TBL2: variants seen among roughly 807,000 people sequenced by gnomAD.
TBL2 encodes transducin beta-like protein 2.
TBL2 carries 33 observed loss-of-function variants against 41.8 expected under a neutral mutation model. That is an observed-to-expected ratio of 0.79 (90% CI 0.60 to 1.06). The LOEUF (loss-of-function observed/expected upper bound fraction) is 1.06. Ranked by LOEUF, TBL2 falls within the 50% of genes least tolerant of loss-of-function variation. The probability of loss-of-function intolerance (pLI) is 0.00; values close to 1 mark genes in which losing one functional copy is unlikely to be tolerated. For missense variants in TBL2, 522 were observed against 603.8 expected, an observed-to-expected ratio of 0.86 and a Z score of 1.42; for synonymous variants, 239 against 241.7, an observed-to-expected ratio of 0.99 and a Z score of 0.10.
chr7:73,568,181 G>A lies in TBL2; in HGVS notation c.*2326C>T, dbSNP rs564412337. ...GGTCTGTGGCTTGCCCCTGGCTTGAGTTTCACATTGAGTGCTTACACTGTC... is the reference window on the plus strand; with the variant it reads ...GGTCTGTGGCTTGCCCCTGGCTTGAATTTCACATTGAGTGCTTACACTGTC... On this transcript the variant is annotated 3_prime_UTR_variant, in exon 7 of 7. Transcript: ENST00000305632. Among the ~76,000 whole-genome samples, 11 of 152,278 alleles carry A rather than the reference G, an allele frequency of 7.2e-5. No individual in the cohort carries two copies. Among genetic ancestry groups the A allele is most frequent in the African/African-American group, 2.6e-4 (11 of 41,556 alleles).
In TBL2 at chr7:73,578,447, C is replaced by G; in HGVS notation, c.103G>C (p.Gly35Arg). Residue 35 changes from glycine (G) to arginine (R), a missense_variant, in exon 1 of 7, where the codon GGG (glycine) becomes CGG (arginine). By Grantham distance (125) the Gly-to-Arg change is moderately radical. Coordinates refer to ENST00000305632, the MANE Select transcript of TBL2 (RefSeq NM_012453.4). ...GCGGGCCGGCCGCTCCTCTCCTCCCCCGCGCGCAGCCACCCCCGCGCTACC... is the reference window on the plus strand; with the variant it reads ...GCGGGCCGGCCGCTCCTCTCCTCCCGCGCGCGCAGCCACCCCCGCGCTACC... ...AAVARGWLRA[G>R]EERSGRPACQ... The G allele has an allele frequency of 6.5e-7, 1 of 1,545,304 alleles. No homozygotes were observed. Among genetic ancestry groups the G allele is most frequent in the South Asian group, 1.2e-5 (1 of 83,876 alleles).
intron 1 of TBL2, among the ~76,000 whole-genome samples, chr7:73,575,650 T>TC (rs558811893): frequency 6.6e-6 from 1 of 152,308 alleles, no homozygotes; most frequent in East Asian, 1.9e-4. Context: ...CAGGCTTGTC[T>TC]CCAACTCCTC....
intron 1 of TBL2, 91 bp downstream of exon 1, chr7:73,578,329 C>G: frequency 6.5e-7 from 1 of 1,536,154 alleles, no homozygotes; most frequent in Non-Finnish European, 8.7e-7. Flanking sequence ...CCGGGCCCCA[C>G]CAGCCGCGGG....
rs145601505 is a variant in TBL2 at position 73,571,334 on chromosome 7, C to T, written c.733G>A (p.Ala245Thr). The change falls in exon 6 of 7, where the codon GCC becomes ACC. Residue 245 changes from alanine (A) to threonine (T), a missense_variant. Ala to Thr is a moderately conservative substitution (Grantham distance 58, BLOSUM62 0). Transcript: ENST00000305632. ...AAVSPCGRFV[A>T]SCGFTPDVKV... The stretch of plus-strand genomic sequence containing the variant: ...ACATCTGGGGTGAAGCCACACGAGG[C>T]TACAAATCTGCCATACAACCCAGAA... The T allele has an allele frequency of 6.2e-7, 1 of 1,614,238 alleles. No individual in the cohort carries two copies.
Position 73,568,024 on chromosome 7 carries a change from T to G in TBL2, c.*2483A>C, listed in dbSNP as rs918403095. Among the ~76,000 whole-genome samples, 1 of 152,226 alleles carries G rather than the reference T, an allele frequency of 6.6e-6. No homozygotes were observed. Among genetic ancestry groups the G allele is most frequent in the African/African-American group, 2.4e-5 (1 of 41,458 alleles). ...GCGCAAAGGAAGTGTTTTAGTCTCA[T>G]TCTTCTGACAATTGCCAAGGAAATA... is the stretch of plus-strand genomic sequence containing the variant. On this transcript the variant is annotated 3_prime_UTR_variant, in exon 7 of 7. Transcript: ENST00000305632.
chr7:73,577,268 A>ACCCCC (rs1563456571), intron 1 of TBL2, among the ~76,000 whole-genome samples: 1 of 150,286 alleles, frequency 6.7e-6, no homozygotes, highest in African/African-American at 2.4e-5. Context: ...CCCCTGCAAA[A>ACCCCC]AAAAAAAAAA....
chr7:73,573,432 A>AC lies in TBL2; in HGVS notation c.485dup (p.Val163CysfsTer23). On this transcript the variant is annotated frameshift_variant, in exon 4 of 7. Transcript: ENST00000305632. LOFTEE classifies it high-confidence loss of function. ...CCTCCCGCTTGGTCATCTTGAAGAC[A>AC]CGGAGGGTGTCCCCGTTGGCCAGCC... 1 of 1,614,118 alleles carries AC rather than the reference A, an allele frequency of 6.2e-7. No homozygotes were observed. Among genetic ancestry groups the AC allele is most frequent in the Non-Finnish European group, 8.5e-7 (1 of 1,180,020 alleles).
chr7:73,569,805 G>C lies in TBL2; in HGVS notation c.*702C>G, dbSNP rs1369893996. On this transcript the variant is annotated 3_prime_UTR_variant, in exon 7 of 7. Coordinates refer to ENST00000305632, the MANE Select transcript of TBL2 (RefSeq NM_012453.4). ...GAAGTCCCAACCATATAAAATGTATGATCAAGTCCCAGAAAACTTTGCCTT... is the reference window on the plus strand; with the variant it reads ...GAAGTCCCAACCATATAAAATGTATCATCAAGTCCCAGAAAACTTTGCCTT... 6.6e-6 allele frequency: 1 copy of C among 152,198 alleles called. No individual in the cohort carries two copies. Among genetic ancestry groups the C allele is most frequent in the Non-Finnish European group, 1.5e-5 (1 of 68,044 alleles). 9.4% of individuals were successfully genotyped at this position (152,198 alleles called of 1,614,324 possible).
chr7:73,576,885 C>G, intron 1 of TBL2: 1 of 362,094 alleles, frequency 2.8e-6, no homozygotes, highest in South Asian at 2.0e-5. Flanking sequence ...CTTCTAGAAC[C>G]ATCCTTTGAG....
chr7:73,576,778 C>T (rs1205442834), intron 1 of TBL2: 3 of 450,844 alleles, frequency 6.7e-6, no homozygotes, highest in Non-Finnish European at 1.3e-5. Context: ...CCTCCTCACA[C>T]TTAAGTCATA....
Position 73,578,491 on chromosome 7 carries a change from G to T in TBL2, c.59C>A (p.Ala20Asp). 6.3e-7 allele frequency: 1 copy of T among 1,586,492 alleles called. No homozygotes were observed. Among genetic ancestry groups the T allele is most frequent in the Non-Finnish European group, 8.6e-7 (1 of 1,169,138 alleles). Residue 20 changes from alanine (A) to aspartate (D), a missense_variant, in exon 1 of 7, where the codon GCC becomes GAC. By Grantham distance (126) the Ala-to-Asp change is moderately radical. Transcript: ENST00000305632. The stretch of plus-strand genomic sequence containing the variant: ...CGCTACCGCCGCCGTCGCCATCAGG[G>T]CCAGCAGCCCAAGCAACACCGACAG... ...MGLSVLLGLL[A>D]LMATAAVARG...
At chr7:73,571,699 T>A (rs1334838819) in intron 5 of TBL2, 1 of 240,980 alleles carries the variant, frequency 4.1e-6, no homozygotes, top group Non-Finnish European at 8.2e-6. Context: ...GAGGTTGCAG[T>A]GAGCTGAGAT....
chr7:73,574,370 G>C lies in TBL2; in HGVS notation c.261+13C>G. 1 of 1,612,710 alleles carries C rather than the reference G, an allele frequency of 6.2e-7. No individual in the cohort carries two copies. Among genetic ancestry groups the C allele is most frequent in the Non-Finnish European group, 8.5e-7 (1 of 1,179,984 alleles). On this transcript the variant is annotated intron_variant, in intron 2 of 6. Transcript: ENST00000305632. ...AGTCTCAGGGTGCACGCTGTGCCAG[G>C]TACCCCACGTACCTTCAGAGCTGCA... is the stretch of plus-strand genomic sequence containing the variant.
chr7:73,577,694 C>G (rs1429780198), intron 1 of TBL2, among the ~76,000 whole-genome samples: 1 of 152,218 alleles, frequency 6.6e-6, no homozygotes, highest in African/African-American at 2.4e-5. Context: ...GGCTGAAGTA[C>G]AGTGGCGCGA....
At chr7:73,574,312 T>C (rs1793156498) in intron 2 of TBL2, 71 bp downstream of exon 2, 2 of 1,593,322 alleles carry the variant, frequency 1.3e-6, no homozygotes, top group African/African-American at 2.7e-5. Flanking sequence ...GTAACATGCA[T>C]GGAATACTCC....
chr7:73,573,692 G>C (rs1212000610), intron 3 of TBL2: 2 of 761,804 alleles, frequency 2.6e-6, no homozygotes, highest in Non-Finnish European at 4.1e-6. Context: ...AGAAACTAAG[G>C]CTCATCTGGA....
At chr7:73,574,680 G>T in intron 1 of TBL2, 167 bp from the exon 2 acceptor site, 1 of 918,180 alleles carries the variant, frequency 1.1e-6, no homozygotes, top group Non-Finnish European at 1.7e-6. Context: ...GCTTTGGCTG[G>T]CTGGGTATGG....
chr7:73,570,273 T>C lies in TBL2; in HGVS notation c.*234A>G, dbSNP rs958318927. 9 of 578,962 alleles carry C rather than the reference T, an allele frequency of 1.6e-5. No individual in the cohort carries two copies. Among genetic ancestry groups the C allele is most frequent in the Non-Finnish European group, 2.2e-5 (8 of 359,826 alleles). 35.9% of individuals were successfully genotyped at this position (578,962 alleles called of 1,614,324 possible). A position where few individuals can be genotyped will look rare whatever the true frequency, so the allele number is the denominator to read the frequency against. On this transcript the variant is annotated 3_prime_UTR_variant, in exon 7 of 7. Transcript: ENST00000305632. ...CCAGGTGGGGACAGATTCCACCCAC[T>C]GGGCCTGGGAGGAAGAAAAGCACCT...
chr7:73,571,761 GAA>G (rs797027909), intron 5 of TBL2: 89 of 76,010 alleles, frequency 1.2e-3, no homozygotes, highest in South Asian at 4.5e-3. Flanking sequence ...GACTGTCTCA[GAA>G]AAAAAAAAAA....
Sources: allele counts gnomAD v4.1 joint callset (sites outside exome capture counted in the v4.1 genomes callset), GRCh38; gene constraint gnomAD v4.1.1; transcripts MANE v1.5; gene names NCBI Gene and HGNC (gene_info 2026-07-23, HGNC 2026-07-21).